ADGRL3: variants seen among roughly 807,000 people sequenced by gnomAD.
ADGRL3 encodes calcium-independent alpha-latrotoxin receptor 3.
ADGRL3 carries 62 observed loss-of-function variants against 153.5 expected under a neutral mutation model. The observed-to-expected ratio is 0.40, with a 90% CI of 0.33 to 0.50. The LOEUF is 0.50. Among genes scored for constraint, ADGRL3 ranks in the 20% least tolerant of loss-of-function variants. The probability of loss-of-function intolerance (pLI) is 0.47; values close to 1 mark genes in which losing one functional copy is unlikely to be tolerated. For synonymous variants in ADGRL3, 710 were observed against 672.5 expected, an observed-to-expected ratio of 1.06 and a Z score of -0.86; for missense variants, 1,641 against 1,859.4, an observed-to-expected ratio of 0.88 and a Z score of 2.16.
At chr4:61,905,253 AT>A (rs2098689791) in intron 11 of ADGRL3, among the ~76,000 whole-genome samples, 1 of 152,164 alleles carries the variant, frequency 6.6e-6, no homozygotes, top group Admixed American at 6.6e-5. Context: ...TTGAATTTGA[AT>A]ACTTATACTA....
At chr4:61,771,971 A>G (rs2097092438) in intron 8 of ADGRL3, among the ~76,000 whole-genome samples, 1 of 152,182 alleles carries the variant, frequency 6.6e-6, no homozygotes, top group South Asian at 2.1e-4. Context: ...CTGTTCAGCC[A>G]TCTTCATATC....
At chr4:61,389,190 G>A (rs953407844) in intron 2 of ADGRL3, among the ~76,000 whole-genome samples, 1 of 152,196 alleles carries the variant, frequency 6.6e-6, no homozygotes, top group Non-Finnish European at 1.5e-5. Flanking sequence ...CTCAGGTGAG[G>A]TATGAGAAAG....
At chr4:61,763,996 A>T (rs2096943192) in intron 8 of ADGRL3, among the ~76,000 whole-genome samples, 1 of 152,214 alleles carries the variant, frequency 6.6e-6, no homozygotes, top group Non-Finnish European at 1.5e-5. Context: ...AACCATATTA[A>T]ACTAATCTTT....
chr4:61,426,259 C>A (rs925428242), intron 2 of ADGRL3, among the ~76,000 whole-genome samples: 10 of 152,228 alleles, frequency 6.6e-5, no homozygotes, highest in Non-Finnish European at 1.5e-5. Context: ...TCTATTGGTG[C>A]AGATTGCCAT....
rs557280917 is a variant in ADGRL3, at chr4:61,935,925, T to C, written c.2299T>C (p.Leu767=). The change falls in exon 15 of 27, where the codon TTG becomes CTG. Residue 767 remains leucine, a splice_region_variant and synonymous_variant. Transcript: ENST00000683033. The part of the protein sequence containing the change: ...IVRENTDNIK[L]EVARLSTEGN... The stretch of plus-strand genomic sequence containing the variant: ...TGATATCTCTTTGATATTAACAGAA[T>C]TGGAAGTTGCAAGACTGAGCACAGA... 4.0e-5 allele frequency: 63 copies of C among 1,590,376 alleles called. No homozygotes were observed. Among genetic ancestry groups the C allele is most frequent in the South Asian group, 3.2e-4 (28 of 87,452 alleles).
intron 3 of ADGRL3, among the ~76,000 whole-genome samples, chr4:61,509,115 A>G (rs1018304996): frequency 1.9e-4 from 28 of 145,990 alleles, no homozygotes; most frequent in Middle Eastern, 3.6e-3. Context: ...GAGCCAAACC[A>G]TATCACATCT....
chr4:61,634,059 A>G (rs2093308930), intron 5 of ADGRL3, among the ~76,000 whole-genome samples: 1 of 152,150 alleles, frequency 6.6e-6, no homozygotes, highest in African/African-American at 2.4e-5. Flanking sequence ...CCTATATTGC[A>G]ATTTTGAGTT....
chr4:62,059,258 A>G lies in ADGRL3; in HGVS notation c.3815-8908A>G, dbSNP rs145626388. Among the ~76,000 whole-genome samples the G allele has an allele frequency of 1.5e-3, 223 of 152,290 alleles. 1 individual carries two copies. Among genetic ancestry groups the G allele is most frequent in the African/African-American group, 5.2e-3 (218 of 41,576 alleles). On this transcript the variant is annotated intron_variant, in intron 25 of 26. Transcript: ENST00000683033. ...GGGATAATTGTTTGATTACTCAGAC[A>G]TATCCCTTACTCTTTCATACTAACA...
At chr4:62,054,221 T>A (rs1312050216) in intron 25 of ADGRL3, among the ~76,000 whole-genome samples, 1 of 151,708 alleles carries the variant, frequency 6.6e-6, no homozygotes, top group Non-Finnish European at 1.5e-5. Flanking sequence ...TTGAGTACTA[T>A]GCAAAAGAAT....
Position 61,517,488 on chromosome 4 carries a change from G to A in ADGRL3, c.229G>A (p.Gly77Ser). 1.4e-6 allele frequency: 1 copy of A among 722,054 alleles called. No individual in the cohort carries two copies. Among genetic ancestry groups the A allele is most frequent in the Non-Finnish European group, 2.5e-6 (1 of 403,056 alleles). 44.7% of individuals were successfully genotyped at this position (722,054 alleles called of 1,614,324 possible). ...RGATRGVRGP[G>S]AQGAQIAAQA... The stretch of plus-strand genomic sequence containing the variant: ...AGCTACCAGAGGAGTTCGCGGTCCA[G>A]GTGCCCAAGGAGCACAGATTGCAGC... Residue 77 changes from glycine to serine, a missense_variant, in exon 4 of 27, where the codon GGT (glycine) becomes AGT (serine). Coordinates refer to ENST00000683033, the MANE Select transcript of ADGRL3 (RefSeq NM_001387552.1).
chr4:62,037,476 T>C (rs568265678), intron 23 of ADGRL3, among the ~76,000 whole-genome samples: 1 of 152,100 alleles, frequency 6.6e-6, no homozygotes, highest in South Asian at 2.1e-4. Flanking sequence ...TATGATGTGA[T>C]GGGAGGTGTG....
chr4:61,674,864 G>A (rs12108397), intron 5 of ADGRL3, among the ~76,000 whole-genome samples: 4,096 of 151,998 alleles, frequency 0.027, 125 homozygotes, highest in East Asian at 0.12. Context: ...GAAGGTGTGA[G>A]TACACCAAAA....
intron 8 of ADGRL3, among the ~76,000 whole-genome samples, chr4:61,781,343 AAAAAG>A (rs1439712166): frequency 1.6e-4 from 24 of 151,668 alleles, no homozygotes; most frequent in East Asian, 7.7e-4. Flanking sequence ...AAAAAAAAAA[AAAAAG>A]AAAAGAAAAG....
chr4:61,374,494 A>G (rs973845746), intron 1 of ADGRL3, among the ~76,000 whole-genome samples: 1 of 152,022 alleles, frequency 6.6e-6, no homozygotes, highest in African/African-American at 2.4e-5. Context: ...TTGGAGTCTC[A>G]GATAAGGGAC....
At chr4:61,470,009 C>T (rs888171896) in intron 2 of ADGRL3, among the ~76,000 whole-genome samples, 1 of 151,772 alleles carries the variant, frequency 6.6e-6, no homozygotes, top group African/African-American at 2.4e-5. Flanking sequence ...CTTTATTTAT[C>T]ATTATAGATT....
intron 1 of ADGRL3, among the ~76,000 whole-genome samples, chr4:61,264,860 A>G (rs930387167): frequency 9.9e-5 from 15 of 151,924 alleles, no homozygotes; most frequent in Admixed American, 7.9e-4. Context: ...TTCTTTAAAT[A>G]AACAAAACCT....
chr4:61,513,372 T>C (rs2152883419), intron 3 of ADGRL3, among the ~76,000 whole-genome samples: 1 of 152,304 alleles, frequency 6.6e-6, no homozygotes, highest in African/African-American at 2.4e-5. Flanking sequence ...ATATGAAAAC[T>C]CTGGTATTAT....
At chr4:61,737,403 A>C (rs951324382) in intron 8 of ADGRL3, among the ~76,000 whole-genome samples, 2 of 152,160 alleles carry the variant, frequency 1.3e-5, no homozygotes, top group African/African-American at 4.8e-5. Context: ...TTGGGTATAT[A>C]AAGATCCTCT....
At chr4:62,057,792 C>T (rs141215523) in intron 25 of ADGRL3, among the ~76,000 whole-genome samples, 14 of 152,038 alleles carry the variant, frequency 9.2e-5, no homozygotes, top group African/African-American at 3.1e-4. Flanking sequence ...ATCCTCCTGC[C>T]TCAGCCTCCT....
Sources: gnomAD v4.1 joint callset for allele counts (sites outside exome capture counted in the v4.1 genomes callset) on GRCh38, gnomAD v4.1.1 for gene constraint, MANE v1.5 for transcripts, NCBI Gene and HGNC (gene_info 2026-07-23, HGNC 2026-07-21) for gene names.